The following CSMD3 variants were observed in gnomAD, a reference collection of about 807,000 sequenced individuals.
The protein encoded by CSMD3 is CUB and sushi domain-containing protein 3.
CSMD3 carries 177 observed loss-of-function variants against 435.2 expected under a neutral mutation model. The observed-to-expected ratio is 0.41, with a 90% CI of 0.36 to 0.46. The LOEUF is 0.46. Ranked by LOEUF, CSMD3 falls within the 20% of genes least tolerant of loss-of-function variation. The pLI is 0.34. For missense variants in CSMD3, 4,265 were observed against 4,504.6 expected, an observed-to-expected ratio of 0.95 and a Z score of 1.52; for synonymous variants, 1,656 against 1,520.5, an observed-to-expected ratio of 1.09 and a Z score of -2.07.
intron 58 of CSMD3, among the ~76,000 whole-genome samples, chr8:112,282,252 A>C (rs997592775): frequency 4.0e-5 from 6 of 151,042 alleles, no homozygotes; most frequent in Non-Finnish European, 8.9e-5. Flanking sequence ...GTGTGTGTGC[A>C]TGCGCGTATG....
At chr8:112,468,442 T>C (rs1234855885) in intron 32 of CSMD3, among the ~76,000 whole-genome samples, 1 of 151,648 alleles carries the variant, frequency 6.6e-6, no homozygotes. Context: ...TCAGCCAGGA[T>C]TGTTAAAATA....
rs540507702 is a variant in CSMD3 at position 112,957,079 on chromosome 8, A to T, written c.1343-2318T>A. ...ATGTATATCTCCTAATAAATAAATT[A>T]AAAAAATAAATATTGCAAGTATTAA... On this transcript the variant is annotated intron_variant, in intron 7 of 70. Coordinates refer to ENST00000297405, the MANE Select transcript of CSMD3 (RefSeq NM_198123.2). Among the ~76,000 whole-genome samples the T allele has an allele frequency of 1.6e-4, 25 of 152,180 alleles. No homozygotes were observed. The South Asian group carries it at 1.7e-3, about 10-fold the overall frequency.
chr8:112,355,607 G>A (rs1222545414), intron 38 of CSMD3, among the ~76,000 whole-genome samples: 5 of 152,152 alleles, frequency 3.3e-5, no homozygotes, highest in African/African-American at 1.2e-4. Context: ...TCTGAGGCAG[G>A]TGCATCACGA....
intron 32 of CSMD3, among the ~76,000 whole-genome samples, chr8:112,440,738 G>A (rs1435832447): frequency 6.6e-6 from 1 of 152,188 alleles, no homozygotes; most frequent in Non-Finnish European, 1.5e-5. Flanking sequence ...CCAAGGTTTG[G>A]GACTTGCACC....
intron 36 of CSMD3, 28 bp downstream of exon 36, chr8:112,390,636 A>T (rs774169609): frequency 9.4e-6 from 15 of 1,588,858 alleles, no homozygotes; most frequent in Non-Finnish European, 1.3e-5. Flanking sequence ...ACATACAATG[A>T]AAAGAAGAAA....
Position 112,842,457 on chromosome 8 carries a change from C to T in CSMD3, c.1756-12668G>A, listed in dbSNP as rs114233987. On this transcript the variant is annotated intron_variant, in intron 11 of 70. Transcript: ENST00000297405. ...CTCAAACGTTAGTGGAGGCATTATA[C>T]CCATCTCGCTCTGGGAATTTATTAG... Among the ~76,000 whole-genome samples the T allele has an allele frequency of 6.6e-3, 999 of 151,818 alleles. 10 individuals are homozygous for T. The highest frequency in any genetic ancestry group is 0.023 in the African/African-American group (948 of 41,448).
At chr8:112,527,947 T>C (rs2131054291) in intron 27 of CSMD3, among the ~76,000 whole-genome samples, 1 of 152,264 alleles carries the variant, frequency 6.6e-6, no homozygotes, top group South Asian at 2.1e-4. Flanking sequence ...CTCTTCATAC[T>C]TTCTCAGAAG....
intron 1 of CSMD3, among the ~76,000 whole-genome samples, chr8:113,371,857 A>G (rs2094347782): frequency 6.6e-6 from 1 of 152,232 alleles, no homozygotes; most frequent in South Asian, 2.1e-4. Flanking sequence ...TTTAGCTTGT[A>G]AAGCAAAAAG....
chr8:112,782,571 G>A (rs771738765), intron 13 of CSMD3, among the ~76,000 whole-genome samples: 21 of 152,030 alleles, frequency 1.4e-4, no homozygotes, highest in Non-Finnish European at 2.4e-4. Context: ...AGAGAAATAT[G>A]TCAATATTCA....
chr8:112,782,925 T>C (rs1221512903), intron 13 of CSMD3, among the ~76,000 whole-genome samples: 2 of 152,068 alleles, frequency 1.3e-5, no homozygotes, highest in Admixed American at 6.6e-5. Context: ...ATCAGACCTG[T>C]CCTATAAGAA....
At chr8:112,619,882 T>A (rs1276717576) in intron 22 of CSMD3, among the ~76,000 whole-genome samples, 1 of 152,072 alleles carries the variant, frequency 6.6e-6, no homozygotes, top group Non-Finnish European at 1.5e-5. Context: ...ATTAAGATAT[T>A]ATATAATACC....
rs925904395 is a variant in CSMD3, at chr8:112,607,155, A to C, written c.3716-19920T>G. Among the ~76,000 whole-genome samples, 8 of 151,716 alleles carry C rather than the reference A, an allele frequency of 5.3e-5. No homozygotes were observed. The South Asian group carries it at 8.3e-4, about 16-fold the overall frequency. ...TTCAGCTATACTAAAGAAAAAAGAG[A>C]GTCTCAAATAAATAAAATTATAAAT... On this transcript the variant is annotated intron_variant, in intron 22 of 70. Coordinates refer to ENST00000297405, the MANE Select transcript of CSMD3 (RefSeq NM_198123.2).
chr8:112,676,221 G>C (rs959993241), intron 16 of CSMD3, among the ~76,000 whole-genome samples: 8 of 152,042 alleles, frequency 5.3e-5, no homozygotes, highest in Admixed American at 2.6e-4. Flanking sequence ...AACCAGGCTA[G>C]AGATGTAAAT....
intron 13 of CSMD3, among the ~76,000 whole-genome samples, chr8:112,725,114 T>C (rs1402591294): frequency 6.6e-6 from 1 of 151,856 alleles, no homozygotes; most frequent in East Asian, 1.9e-4. Flanking sequence ...AAGCAAAAAA[T>C]ATATGGCAAT....
intron 22 of CSMD3, among the ~76,000 whole-genome samples, chr8:112,612,341 T>C (rs1833322881): frequency 6.6e-6 from 1 of 152,192 alleles, no homozygotes; most frequent in African/African-American, 2.4e-5. Flanking sequence ...CACAGTAGTT[T>C]CTTAGGAACA....
intron 1 of CSMD3, among the ~76,000 whole-genome samples, chr8:113,435,496 T>C (rs889377865): frequency 1.1e-4 from 17 of 152,174 alleles, no homozygotes; most frequent in African/African-American, 2.9e-4. Context: ...AACTGTTTCA[T>C]AGAGACGCGG....
chr8:112,545,386 G>C (rs1441589440), intron 27 of CSMD3, among the ~76,000 whole-genome samples: 2 of 147,186 alleles, frequency 1.4e-5, no homozygotes, highest in African/African-American at 5.0e-5. Flanking sequence ...GGGAGGCTGA[G>C]GCAGGAGAAT....
rs570054095 is a variant in CSMD3 at position 112,267,093 on chromosome 8, A to T, written c.9509-1503T>A. Among the ~76,000 whole-genome samples, 9 of 152,286 alleles carry T rather than the reference A, an allele frequency of 5.9e-5. No individual in the cohort carries two copies. In the South Asian group the frequency reaches 1.9e-3, roughly 32 times the overall value. ...GATTCAGGATTAAAGATTAAGAATG[A>T]ATTAAGGCATGGAAGACCTTAAGAA... On this transcript the variant is annotated intron_variant, in intron 59 of 70. Coordinates refer to ENST00000297405, the MANE Select transcript of CSMD3 (RefSeq NM_198123.2).
Position 113,119,646 on chromosome 8 carries a change from T to A in CSMD3, c.710-20683A>T, listed in dbSNP as rs560420118. 2.3e-4 allele frequency among the ~76,000 whole-genome samples: 35 copies of A among 152,260 alleles called. 1 individual carries two copies. Among genetic ancestry groups the A allele is most frequent in the African/African-American group, 8.4e-4 (35 of 41,564 alleles). ...CTTCCTGACTAGGCTGAAGAATACA[T>A]GACAACAATAAACAATGTTCGCAGC... On this transcript the variant is annotated intron_variant, in intron 4 of 70. Transcript: ENST00000297405.
Sources: allele counts gnomAD v4.1 joint callset (sites outside exome capture counted in the v4.1 genomes callset), GRCh38; gene constraint gnomAD v4.1.1; transcripts MANE v1.5; gene names NCBI Gene and HGNC (gene_info 2026-07-23, HGNC 2026-07-21).